SPRED3: variants seen among roughly 807,000 people sequenced by gnomAD.
SPRED3 encodes the protein sprouty related EVH1 domain containing 3, also known as sprouty-related, EVH1 domain-containing protein 3.
In SPRED3, 23 loss-of-function variants were observed where a neutral mutation model predicts 37.6. That is an observed-to-expected ratio of 0.61 (90% CI 0.44 to 0.87). The LOEUF (loss-of-function observed/expected upper bound fraction) is 0.87, where lower values mean the gene tolerates loss of function less well. SPRED3 is among the 40% of genes least tolerant of loss of function. The pLI, the probability that SPRED3 is intolerant of heterozygous loss-of-function variation, is 0.00. For missense variants in SPRED3, 584 were observed against 618.6 expected (o/e 0.94, Z 0.59); for synonymous variants, 302 against 279.6 (o/e 1.08, Z -0.80).
intron 4 of SPRED3, among the ~76,000 whole-genome samples, chr19:38,393,858 G>A (rs868658230): frequency 2.6e-5 from 4 of 152,288 alleles, no homozygotes; most frequent in Non-Finnish European, 2.9e-5. Flanking sequence ...TAAAACACCT[G>A]GAGGAACAAA....
At chr19:38,389,131 C>A (rs1399161066) in intron 1 of SPRED3, among the ~76,000 whole-genome samples, 2 of 152,242 alleles carry the variant, frequency 1.3e-5, no homozygotes, top group Non-Finnish European at 1.5e-5. Context: ...GCCAGTGCCC[C>A]ATTCCAGCTA....
At position 38,397,113 on chromosome 19, in the gene SPRED3, G is replaced by A. The variant is rs1055078932; in HGVS notation, c.*968G>A. The stretch of plus-strand genomic sequence containing the variant: ...TCAGAGGTGCCTGGGGTCCTCAGAT[G>A]TGCGACTGAAGGCCACCAACACCTC... On this transcript the variant is annotated 3_prime_UTR_variant, in exon 6 of 6. Transcript: ENST00000691638. 9 of 152,152 alleles carry A rather than the reference G, an allele frequency of 5.9e-5. No individual in the cohort carries two copies. The highest frequency in any genetic ancestry group is 8.8e-5 in the Non-Finnish European group (6 of 68,046). 9.4% of individuals were successfully genotyped at this position (152,152 alleles called of 1,614,324 possible).
chr19:38,392,393 C>A (rs1600515250), intron 4 of SPRED3, 105 bp downstream of exon 4: 1 of 1,277,468 alleles, frequency 7.8e-7, no homozygotes, highest in African/African-American at 1.5e-5. Context: ...TGCCACACAC[C>A]GGGTACACAA....
chr19:38,395,786 G>C lies in SPRED3; in HGVS notation c.874G>C (p.Glu292Gln). The change falls in exon 6 of 6, where the codon GAG becomes CAG. Residue 292 changes from glutamate (E) to glutamine (Q), a missense_variant. By Grantham distance (29) the Glu-to-Gln change is conservative. Coordinates refer to ENST00000691638, the MANE Select transcript of SPRED3 (RefSeq NM_001394336.1). The surrounding 1 kb of genome is among the most constrained non-coding windows in gnomAD (Gnocchi z 5.2). Reference sequence around the variant, plus strand: ...GCCTGCCAAGGCCTCCCCGGAAGCGGAGGAGGCAGCGCGCTGCGTGCATTG... The same window carrying C: ...GCCTGCCAAGGCCTCCCCGGAAGCGCAGGAGGCAGCGCGCTGCGTGCATTG... ...SAPAKASPEAEEAARCVHCRA... is the reference protein window; with the variant it reads ...SAPAKASPEAQEAARCVHCRA... 1 of 1,464,346 alleles carries C rather than the reference G, an allele frequency of 6.8e-7. No homozygotes were observed. Among genetic ancestry groups the C allele is most frequent in the South Asian group, 1.3e-5 (1 of 75,708 alleles). 90.7% of individuals were successfully genotyped at this position (1,464,346 alleles called of 1,614,324 possible).
rs780193103 is a variant in SPRED3 at position 38,394,770 on chromosome 19, G to A, written c.551G>A (p.Arg184His). ...GFGPTTPPQRRRSSAQSYPPL... is the reference protein window; with the variant it reads ...GFGPTTPPQRHRSSAQSYPPL... ...GGGCCGACCACGCCCCCCCAGCGCC[G>A]CCGCTCCTCCGCTCAGGTGCGACCT... Residue 184 changes from arginine (R) to histidine (H), a missense_variant, in exon 5 of 6, where the codon CGC (arginine) becomes CAC (histidine). Around this residue, in one of 7 missense-constraint regions of SPRED3, gnomAD observed 310 missense variants for 281.1 expected, o/e 1.10. Coordinates refer to ENST00000691638, the MANE Select transcript of SPRED3 (RefSeq NM_001394336.1). 2.5e-6 allele frequency: 4 copies of A among 1,573,852 alleles called. No homozygotes were observed. The highest frequency in any genetic ancestry group is 2.6e-6 in the Non-Finnish European group (3 of 1,163,524).
chr19:38,390,424 G>A lies in SPRED3; in HGVS notation c.122G>A (p.Gly41Glu). Reference sequence around the variant, plus strand: ...CGGGTCCGAGGGGCCAGGCCCGAGGGGGGGGCCCGCCAGGGGCACTACGTC... The same window carrying A: ...CGGGTCCGAGGGGCCAGGCCCGAGGAGGGGGCCCGCCAGGGGCACTACGTC... ...VCRVRGARPEGGARQGHYVIH... is the reference protein window; with the variant it reads ...VCRVRGARPEEGARQGHYVIH... Residue 41 changes from glycine to glutamate, a missense_variant, in exon 2 of 6, where the codon GGG becomes GAG. Physicochemically the swap from Gly to Glu is moderately conservative, Grantham distance 98. This residue lies in a region of SPRED3 where 88 missense variants were observed against 77.0 expected (regional missense o/e 1.14). Coordinates refer to ENST00000691638, the MANE Select transcript of SPRED3 (RefSeq NM_001394336.1). 4 of 1,405,254 alleles carry A rather than the reference G, an allele frequency of 2.8e-6. No homozygotes were observed. Among genetic ancestry groups the A allele is most frequent in the Non-Finnish European group, 3.7e-6 (4 of 1,076,942 alleles). 87.0% of individuals were successfully genotyped at this position (1,405,254 alleles called of 1,614,324 possible). A position where few individuals can be genotyped will look rare whatever the true frequency, so the allele number is the denominator to read the frequency against.
In SPRED3 at chr19:38,395,679, C is replaced by A. The variant is rs1411363665; in HGVS notation, c.767C>A (p.Ala256Glu). The change falls in exon 6 of 6, where the codon GCG becomes GAG. Residue 256 changes from alanine to glutamate, a missense_variant. Physicochemically the swap from Ala to Glu is moderately radical, Grantham distance 107. Around this residue, in one of 7 missense-constraint regions of SPRED3, gnomAD observed 310 missense variants for 281.1 expected, o/e 1.10. Transcript: ENST00000691638. The surrounding 1 kb of genome is among the most constrained non-coding windows in gnomAD (Gnocchi z 5.2). ...AGGGGCGCTGCCCTGGGTCCCCCAG[C>A]GGCACTACCTGCCCCTTTGACCGAG... ...ALRGAALGPP[A>E]ALPAPLTEAA... The A allele has an allele frequency of 2.0e-6, 3 of 1,496,010 alleles. No individual in the cohort carries two copies. The highest frequency in any genetic ancestry group is 2.2e-5 in the Admixed American group (1 of 44,728). 92.7% of individuals were successfully genotyped at this position (1,496,010 alleles called of 1,614,324 possible). A position where few individuals can be genotyped will look rare whatever the true frequency, so the allele number is the denominator to read the frequency against.
rs899173936 is a variant in SPRED3 at position 38,399,457 on chromosome 19, C to T, written c.*3312C>T. 2 of 151,948 alleles carry T rather than the reference C, an allele frequency of 1.3e-5. No homozygotes were observed. The highest frequency in any genetic ancestry group is 2.9e-5 in the Non-Finnish European group (2 of 68,016). The allele number at this position is 151,948 out of a possible 1,614,324, so 9.4% of individuals were successfully genotyped here. On this transcript the variant is annotated 3_prime_UTR_variant, in exon 6 of 6. Coordinates refer to ENST00000691638, the MANE Select transcript of SPRED3 (RefSeq NM_001394336.1). ...TTCCTGATCTTGTTTCTAAGCCAGT[C>T]TGTGACCTCAATATTGTTAGTGTCA...
rs1332469198 is a variant in SPRED3 at position 38,396,452 on chromosome 19, G to A, written c.*307G>A. The A allele has an allele frequency of 4.2e-6, 1 of 236,504 alleles. No homozygotes were observed. The highest frequency in any genetic ancestry group is 8.1e-6 in the Non-Finnish European group (1 of 123,628). 14.7% of individuals were successfully genotyped at this position (236,504 alleles called of 1,614,324 possible). Reference sequence around the variant, plus strand: ...CTTTGCATCTCAGAAAGGCCAGGGAGCACATAGATCCCGAAAAGGGCAGGT... The same window carrying A: ...CTTTGCATCTCAGAAAGGCCAGGGAACACATAGATCCCGAAAAGGGCAGGT... On this transcript the variant is annotated 3_prime_UTR_variant, in exon 6 of 6. Transcript: ENST00000691638.
Position 38,395,016 on chromosome 19 carries a change from G to A in SPRED3, c.567+230G>A, listed in dbSNP as rs1400559113. 6.6e-6 allele frequency among the ~76,000 whole-genome samples: 1 copy of A among 152,212 alleles called. No homozygotes were observed. Among genetic ancestry groups the A allele is most frequent in the East Asian group, 1.9e-4 (1 of 5,194 alleles). On this transcript the variant is annotated intron_variant, in intron 5 of 5. Transcript: ENST00000691638. This position sits in a 1 kb window ranked among gnomAD's most constrained non-coding sequence, Gnocchi z 5.2. ...TCCCGAGTCTCCTTGCGCTCTTGGA[G>A]ATTTTGAGGGGTTTCGAAGTCCAGA...
chr19:38,390,159 A>C, intron 1 of SPRED3, 140 bp from the exon 2 acceptor site: 99 of 669,296 alleles, frequency 1.5e-4, no homozygotes, highest in South Asian at 2.1e-4. Context: ...GAAGGTGGGT[A>C]TTGCTAGCTT....
intron 4 of SPRED3, among the ~76,000 whole-genome samples, chr19:38,393,123 G>A (rs1478987690): frequency 6.6e-6 from 1 of 151,902 alleles, no homozygotes; most frequent in East Asian, 1.9e-4. Flanking sequence ...CTTTGCACTG[G>A]CTGTTGCCTG....
At chr19:38,390,214 A>G (rs957984500) in intron 1 of SPRED3, 85 bp from the exon 2 acceptor site, 254 of 1,261,536 alleles carry the variant, frequency 2.0e-4, no homozygotes, top group Non-Finnish European at 2.3e-4. Context: ...TGGAGGGGAG[A>G]TGAGGGTTGA....
intron 2 of SPRED3, among the ~76,000 whole-genome samples, chr19:38,391,742 G>T (rs1970835202): frequency 6.6e-6 from 1 of 152,158 alleles, no homozygotes; most frequent in African/African-American, 2.4e-5. Context: ...CAGCCTGGGT[G>T]ACAGAGTAAG....
chr19:38,391,854 C>T (rs1392221103), intron 2 of SPRED3, 92 bp from the exon 3 acceptor site: 5 of 1,452,638 alleles, frequency 3.4e-6, no homozygotes, highest in Non-Finnish European at 4.7e-6. Flanking sequence ...TGTGAGAAGA[C>T]ACTAGGGTAT....
intron 4 of SPRED3, 61 bp from the exon 5 acceptor site, chr19:38,394,582 A>C: frequency 6.4e-7 from 1 of 1,553,826 alleles, no homozygotes; most frequent in South Asian, 1.2e-5. Context: ...GAGGGGGTCT[A>C]TGTGAGGGCA....
At chr19:38,390,049 A>C in intron 1 of SPRED3, 1 of 345,636 alleles carries the variant, frequency 2.9e-6, no homozygotes, top group Non-Finnish European at 5.2e-6. Context: ...AAAGGTGGGT[A>C]CAGAGAGAAA....
intron 2 of SPRED3, 63 bp downstream of exon 2, chr19:38,390,542 C>T (rs920260237): frequency 8.0e-6 from 10 of 1,247,972 alleles, no homozygotes; most frequent in Middle Eastern, 2.9e-4. Flanking sequence ...GAGGGGCTGG[C>T]ATGTGGAGCA....
chr19:38,392,957 TC>T, intron 4 of SPRED3, among the ~76,000 whole-genome samples: 1 of 152,156 alleles, frequency 6.6e-6, no homozygotes, highest in Middle Eastern at 3.4e-3. Context: ...CTCCCAGGGC[TC>T]CAACTCACTC....
Sources: gnomAD v4.1 joint callset for allele counts (sites outside exome capture counted in the v4.1 genomes callset) on GRCh38, gnomAD v4.1.1 for gene constraint, gnomAD v4.1.1 regional missense constraint, Gnocchi (gnomAD v3.1) non-coding constraint, MANE v1.5 for transcripts, NCBI Gene and HGNC (gene_info 2026-07-23, HGNC 2026-07-21) for gene names.